Variants in UBP1 observed in about 807,000 individuals in gnomAD.
The protein encoded by UBP1 is upstream-binding protein 1.
Under a neutral mutation model 76.1 loss-of-function variants are expected in UBP1, and 22 were observed. That is an observed-to-expected ratio of 0.29 (90% confidence interval 0.21 to 0.41). The LOEUF is 0.41. UBP1 is among the 10% of genes least tolerant of loss of function. UBP1 has a pLI of 1.00. For missense variants in UBP1, 436 were observed against 668.1 expected (o/e 0.65, Z 3.83); for synonymous variants, 224 against 237.1 (o/e 0.94, Z 0.51).
intron 15 of UBP1, chr3:33,391,573 CTTGG>C (rs1575442555): frequency 6.6e-6 from 1 of 152,206 alleles, no homozygotes; most frequent in Non-Finnish European, 1.5e-5. Context: ...AAATCAAACT[CTTGG>C]TTGATTTACC....
intron 8 of UBP1, among the ~76,000 whole-genome samples, chr3:33,405,327 A>C (rs2044388977): frequency 6.6e-6 from 1 of 152,222 alleles, no homozygotes. Context: ...AATGAACAAT[A>C]GCAGTGGTCA....
intron 1 of UBP1, among the ~76,000 whole-genome samples, chr3:33,427,485 C>G (rs142333693): frequency 6.6e-6 from 1 of 152,192 alleles, no homozygotes; most frequent in Non-Finnish European, 1.5e-5. Flanking sequence ...TGTATCAACA[C>G]CAATAATAGG....
chr3:33,439,654 A>T (rs2045258303), intron 1 of UBP1, 82 bp downstream of exon 1: 1 of 1,472,478 alleles, frequency 6.8e-7, no homozygotes, highest in East Asian at 2.5e-5. Flanking sequence ...CTCTGGGAGC[A>T]GCCGCATCTG....
intron 10 of UBP1, 124 bp from the exon 11 acceptor site, chr3:33,400,406 A>T: frequency 1.6e-6 from 1 of 627,226 alleles, no homozygotes; most frequent in Non-Finnish European, 2.6e-6. Flanking sequence ...GTCTGACTCC[A>T]GCAACCCAAA....
At chr3:33,412,694 T>C (rs761967494) in intron 4 of UBP1, 28 bp downstream of exon 4, 1 of 1,414,380 alleles carries the variant, frequency 7.1e-7, no homozygotes, top group East Asian at 2.3e-5. Flanking sequence ...TACCCTCATC[T>C]CCATGGTCTT....
chr3:33,402,912 C>G lies in UBP1; in HGVS notation c.928-8G>C, dbSNP rs746167021. The G allele has an allele frequency of 7.5e-6, 12 of 1,594,002 alleles. No homozygotes were observed. Among genetic ancestry groups the G allele is most frequent in the Non-Finnish European group, 1.7e-6 (2 of 1,168,266 alleles). On this transcript the variant is annotated splice_region_variant and splice_polypyrimidine_tract_variant and intron_variant, in intron 8 of 15. Transcript: ENST00000283629. ...ATCGGGCCACGGAGAACACTAAGGACAGAAACAGAAATAAATTAGTGATAT... is the reference window on the plus strand; with the variant it reads ...ATCGGGCCACGGAGAACACTAAGGAGAGAAACAGAAATAAATTAGTGATAT...
At chr3:33,395,208 AAAGT>A (rs766163144) in intron 13 of UBP1, among the ~76,000 whole-genome samples, 1 of 152,240 alleles carries the variant, frequency 6.6e-6, no homozygotes, top group African/African-American at 2.4e-5. Flanking sequence ...ACCAAATAGA[AAAGT>A]TCACAGTAGT....
Position 33,425,726 on chromosome 3 carries a change from C to T in UBP1, c.129G>A (p.Leu43=). Reference sequence around the variant, plus strand: ...TGGAATCTTCCTGCTTGAAAATGGGCAATGCCAAGACATCACTGAAAAGCA... The same window carrying T: ...TGGAATCTTCCTGCTTGAAAATGGGTAATGCCAAGACATCACTGAAAAGCA... The part of the protein sequence containing the change: ...GAYSMSDVLA[L]PIFKQEDSSL... The change falls in exon 2 of 16, where the codon TTG becomes TTA. Residue 43 remains leucine, a synonymous_variant. Coordinates refer to ENST00000283629, the MANE Select transcript of UBP1 (RefSeq NM_014517.5). The T allele has an allele frequency of 6.3e-7, 1 of 1,593,922 alleles. No individual in the cohort carries two copies. The highest frequency in any genetic ancestry group is 8.6e-7 in the Non-Finnish European group (1 of 1,164,602).
At chr3:33,407,415 A>C (rs2044456409) in intron 8 of UBP1, among the ~76,000 whole-genome samples, 1 of 152,158 alleles carries the variant, frequency 6.6e-6, no homozygotes. Flanking sequence ...AATCCCCCCC[A>C]AAGAAGTTTA....
chr3:33,400,981 G>C lies in UBP1; in HGVS notation c.1067C>G (p.Ala356Gly). The change falls in exon 10 of 16, where the codon GCT becomes GGT. Residue 356 changes from alanine (A) to glycine (G), a missense_variant. This residue lies in a region of UBP1 where 210 missense variants were observed against 272.8 expected (regional missense o/e 0.77). Transcript: ENST00000283629. ...ACTTACTTCACCAGAGGTCTGTGAA[G>C]CTCCATCTCCCTGATGATTTGGGGA... ...SSSPNHQGDG[A>G]SQTSGEQIQP... is the part of the protein sequence containing the mutation. 6.3e-7 allele frequency: 1 copy of C among 1,595,614 alleles called. No individual in the cohort carries two copies. The highest frequency in any genetic ancestry group is 1.2e-5 in the South Asian group (1 of 86,824).
intron 5 of UBP1, among the ~76,000 whole-genome samples, chr3:33,410,009 T>G (rs1237142186): frequency 6.6e-6 from 1 of 152,214 alleles, no homozygotes; most frequent in Admixed American, 6.5e-5. Flanking sequence ...TTGTTTGCCC[T>G]CTACTGCCAT....
intron 7 of UBP1, 63 bp from the exon 8 acceptor site, chr3:33,408,860 C>A: frequency 7.4e-7 from 1 of 1,360,160 alleles, no homozygotes; most frequent in South Asian, 1.2e-5. Flanking sequence ...ATCTAACACC[C>A]TGTTTCATGT....
At position 33,393,473 on chromosome 3, in the gene UBP1, AAAG is replaced by A. The variant is rs1173345384; in HGVS notation, c.1391-22_1391-20del. ...TGATAAACTGAAATTAAAAAAAAAAAAAGAAAAGCATTTTAACAGTAATCTTTG... is the reference window on the plus strand; with the variant it reads ...TGATAAACTGAAATTAAAAAAAAAAAAAAAGCATTTTAACAGTAATCTTTG... On this transcript the variant is annotated intron_variant, in intron 13 of 15. Coordinates refer to ENST00000283629, the MANE Select transcript of UBP1 (RefSeq NM_014517.5). 6.3e-6 allele frequency: 10 copies of A among 1,594,612 alleles called. No individual in the cohort carries two copies. Among genetic ancestry groups the A allele is most frequent in the Admixed American group, 1.8e-5 (1 of 55,392 alleles).
At chr3:33,396,354 A>T in intron 12 of UBP1, 74 bp from the exon 13 acceptor site, 1 of 1,096,860 alleles carries the variant, frequency 9.1e-7, no homozygotes, top group Non-Finnish European at 1.3e-6. Flanking sequence ...TGACAACTAC[A>T]GGAATCTAAG....
At chr3:33,412,938 TTC>T (rs1212022622) in intron 3 of UBP1, 111 bp from the exon 4 acceptor site, 1 of 680,812 alleles carries the variant, frequency 1.5e-6, no homozygotes, top group Non-Finnish European at 2.6e-6. Flanking sequence ...TACAACTAGA[TTC>T]TGTTTTAAAC....
intron 1 of UBP1, among the ~76,000 whole-genome samples, chr3:33,438,880 G>C (rs966530449): frequency 6.6e-6 from 1 of 152,158 alleles, no homozygotes; most frequent in Non-Finnish European, 1.5e-5. Flanking sequence ...AGAACAGAAA[G>C]CTACACTTAA....
chr3:33,408,343 C>A (rs915975344), intron 8 of UBP1, among the ~76,000 whole-genome samples: 2 of 151,912 alleles, frequency 1.3e-5, no homozygotes, highest in African/African-American at 4.8e-5. Context: ...AAAGTATTTT[C>A]AATTAATTTC....
chr3:33,427,322 TA>T (rs1443983251), intron 1 of UBP1, among the ~76,000 whole-genome samples: 7 of 152,384 alleles, frequency 4.6e-5, no homozygotes, highest in Admixed American at 2.0e-4. Flanking sequence ...GCAATAATTT[TA>T]CATTTCCCCT....
At chr3:33,411,118 G>A (rs748141850) in intron 5 of UBP1, among the ~76,000 whole-genome samples, 5 of 151,490 alleles carry the variant, frequency 3.3e-5, no homozygotes, top group Admixed American at 2.0e-4. Flanking sequence ...AAAAGGGGGC[G>A]GAAACTACTA....
Sources: gnomAD v4.1 joint callset for allele counts (sites outside exome capture counted in the v4.1 genomes callset) on GRCh38, gnomAD v4.1.1 for gene constraint, gnomAD v4.1.1 regional missense constraint, MANE v1.5 for transcripts, NCBI Gene and HGNC (gene_info 2026-07-23, HGNC 2026-07-21) for gene names.